Variants in MEI4 observed in about 807,000 individuals in gnomAD.
The protein encoded by MEI4 is meiotic double-stranded break formation protein 4.
MEI4 carries 27 observed loss-of-function variants against 31.4 expected under a neutral mutation model. The observed-to-expected ratio is 0.86, with a 90% CI of 0.63 to 1.19. The LOEUF is 1.19. MEI4 is among the 50% of genes most tolerant of loss of function. MEI4 has a pLI of 0.00. For synonymous variants in MEI4, 122 were observed against 145.4 expected (o/e 0.84, Z 1.16); for missense variants, 329 against 398.9 (o/e 0.82, Z 1.49).
chr6:77,844,117 T>C (rs1770424479), intron 4 of MEI4, among the ~76,000 whole-genome samples: 1 of 152,136 alleles, frequency 6.6e-6, no homozygotes, highest in Non-Finnish European at 1.5e-5. Context: ...ATAATCACTT[T>C]TCTGGAGAGT....
chr6:77,793,388 A>G (rs1768991135), intron 3 of MEI4, among the ~76,000 whole-genome samples: 1 of 152,192 alleles, frequency 6.6e-6, no homozygotes, highest in Admixed American at 6.5e-5. Context: ...AAGAAATGCT[A>G]TAGGGCGTTC....
Position 77,918,540 on chromosome 6 carries a change from G to A in MEI4, c.901-4549G>A, listed in dbSNP as rs558571513. ...ATTCTCTTTGAAGCAATTGTGAATG[G>A]GAGTTCACTCATGATTTGGCTCTCT... On this transcript the variant is annotated intron_variant, in intron 4 of 4. Transcript: ENST00000684080. Among the ~76,000 whole-genome samples the A allele has an allele frequency of 8.8e-3, 1,282 of 145,120 alleles. 16 individuals are homozygous for A. The highest frequency in any genetic ancestry group is 0.03 in the African/African-American group (1,184 of 39,004).
chr6:77,774,615 A>G (rs1768393743), intron 3 of MEI4, among the ~76,000 whole-genome samples: 3 of 152,002 alleles, frequency 2.0e-5, no homozygotes. Context: ...GAGTTGGAGT[A>G]AGAATTTTTG....
intron 1 of MEI4, among the ~76,000 whole-genome samples, chr6:77,675,725 T>A (rs1462170528): frequency 6.6e-6 from 1 of 152,076 alleles, no homozygotes; most frequent in Non-Finnish European, 1.5e-5. Flanking sequence ...ACCATAGATA[T>A]AACATCAATT....
Position 77,924,913 on chromosome 6 carries a change from A to ACTT in MEI4, c.*1569_*1571dup, listed in dbSNP as rs1246730125. On this transcript the variant is annotated 3_prime_UTR_variant, in exon 5 of 5. Transcript: ENST00000684080. ...AGGTAATTATTAGGGCCAATAATTT[A>ACTT]CTTCACAACAAGTACCAGTTGAATA... is the stretch of plus-strand genomic sequence containing the variant. The ACTT allele has an allele frequency of 1.3e-5, 2 of 151,902 alleles. No individual in the cohort carries two copies. The highest frequency in any genetic ancestry group is 4.8e-5 in the African/African-American group (2 of 41,416). The allele number at this position is 151,902 out of a possible 1,614,324, so 9.4% of individuals were successfully genotyped here.
intron 4 of MEI4, among the ~76,000 whole-genome samples, chr6:77,830,180 C>G (rs1484903172): frequency 6.6e-6 from 1 of 151,926 alleles, no homozygotes; most frequent in African/African-American, 2.4e-5. Context: ...TTGAAAAATG[C>G]ATTTGAATTG....
chr6:77,697,792 A>G (rs1186051178), intron 2 of MEI4, among the ~76,000 whole-genome samples: 2 of 152,106 alleles, frequency 1.3e-5, no homozygotes, highest in African/African-American at 2.4e-5. Flanking sequence ...TCCGCTTGAT[A>G]CAGAGCTGAG....
At chr6:77,670,796 A>G (rs1768724159) in intron 1 of MEI4, among the ~76,000 whole-genome samples, 1 of 152,166 alleles carries the variant, frequency 6.6e-6, no homozygotes, top group African/African-American at 2.4e-5. Context: ...TTGTATTCTC[A>G]GCCATGTTTA....
intron 1 of MEI4, among the ~76,000 whole-genome samples, chr6:77,668,536 T>A (rs1214499803): frequency 6.6e-6 from 1 of 152,190 alleles, no homozygotes; most frequent in African/African-American, 2.4e-5. Flanking sequence ...TTTTATTGTA[T>A]TTGAAATATA....
chr6:77,816,052 G>C (rs942583121), intron 3 of MEI4, among the ~76,000 whole-genome samples: 1 of 152,002 alleles, frequency 6.6e-6, no homozygotes, highest in African/African-American at 2.4e-5. Context: ...CCATGAAAAG[G>C]TATTACATAG....
intron 2 of MEI4, among the ~76,000 whole-genome samples, chr6:77,715,570 A>G (rs1278285259): frequency 2.0e-5 from 3 of 152,148 alleles, no homozygotes; most frequent in Non-Finnish European, 4.4e-5. Flanking sequence ...AATTAGGCAT[A>G]TTTTTGTTTT....
intron 3 of MEI4, among the ~76,000 whole-genome samples, chr6:77,791,490 A>C (rs1768930451): frequency 7.5e-6 from 1 of 134,034 alleles, no homozygotes; most frequent in Non-Finnish European, 1.5e-5. Flanking sequence ...ATGAGATCAC[A>C]TGGACACAGG....
intron 3 of MEI4, among the ~76,000 whole-genome samples, chr6:77,826,124 T>G: frequency 6.6e-6 from 1 of 152,214 alleles, no homozygotes; most frequent in African/African-American, 2.4e-5. Context: ...GATCCCAGTT[T>G]TGTTTATACT....
intron 4 of MEI4, among the ~76,000 whole-genome samples, chr6:77,884,917 G>A (rs1771583694): frequency 6.6e-6 from 1 of 151,922 alleles, no homozygotes; most frequent in Non-Finnish European, 1.5e-5. Context: ...TATAGTTGTT[G>A]CATTGTGTCT....
At chr6:77,861,616 A>G (rs952408654) in intron 4 of MEI4, among the ~76,000 whole-genome samples, 3 of 152,172 alleles carry the variant, frequency 2.0e-5, no homozygotes, top group African/African-American at 7.2e-5. Flanking sequence ...AAATGTTGCA[A>G]GTGCATTCTC....
chr6:77,893,793 T>C (rs558745306), intron 4 of MEI4, among the ~76,000 whole-genome samples: 1 of 152,176 alleles, frequency 6.6e-6, no homozygotes, highest in Non-Finnish European at 1.5e-5. Context: ...CTGTGACAGA[T>C]AAATTGCCCC....
intron 2 of MEI4, among the ~76,000 whole-genome samples, chr6:77,742,680 C>A (rs1401749041): frequency 2.0e-5 from 3 of 152,106 alleles, no homozygotes; most frequent in Non-Finnish European, 4.4e-5. Context: ...GTGTTTTAGA[C>A]CTGAAGTCCT....
intron 4 of MEI4, among the ~76,000 whole-genome samples, chr6:77,855,268 C>T (rs745459374): frequency 6.6e-6 from 1 of 152,014 alleles, no homozygotes; most frequent in Admixed American, 6.6e-5. Flanking sequence ...TTGCTTCAAC[C>T]TGGGAGGCAG....
In MEI4 at chr6:77,690,851, A is replaced by G. The variant is rs1769144805; in HGVS notation, c.180A>G (p.Gln60=). 4.9e-6 allele frequency: 6 copies of G among 1,231,280 alleles called. No individual in the cohort carries two copies. The highest frequency in any genetic ancestry group is 6.1e-6 in the Non-Finnish European group (6 of 987,374). 76.3% of individuals were successfully genotyped at this position (1,231,280 alleles called of 1,614,324 possible). A position where few individuals can be genotyped will look rare whatever the true frequency, so the allele number is the denominator to read the frequency against. The change falls in exon 2 of 5, where the codon CAA becomes CAG. Residue 60 remains glutamine (Q), a synonymous_variant. Transcript: ENST00000684080. ...KVEILEAEVM[Q]LRQKLLVSRL... is the part of the protein sequence containing the mutation. ...AAATCTTGGAAGCTGAAGTTATGCAATTACGTCAAAAACTTCTTGTGAGCA... is the reference window on the plus strand; with the variant it reads ...AAATCTTGGAAGCTGAAGTTATGCAGTTACGTCAAAAACTTCTTGTGAGCA...
Sources: gnomAD v4.1 joint callset for allele counts (sites outside exome capture counted in the v4.1 genomes callset) on GRCh38, gnomAD v4.1.1 for gene constraint, MANE v1.5 for transcripts, NCBI Gene and HGNC (gene_info 2026-07-23, HGNC 2026-07-21) for gene names.